The following ZNF222 variants were observed in gnomAD, a reference collection of about 807,000 sequenced individuals.
The protein encoded by ZNF222 is zinc finger protein 222.
In ZNF222, 8 loss-of-function variants were observed where a neutral mutation model predicts 11.6. The ratio of observed to expected loss-of-function variants is 0.69; its 90% CI spans 0.41 to 1.25. The LOEUF is 1.25. Ranked by LOEUF, ZNF222 falls within the 50% of genes most tolerant of loss-of-function variation. The pLI is 0.01. For synonymous variants in ZNF222, 171 were observed against 195.6 expected (o/e 0.87, Z 1.05); for missense variants, 483 against 576.1 (o/e 0.84, Z 1.65).
At position 44,032,991 on chromosome 19, in the gene ZNF222, T is replaced by A; in HGVS notation, c.1437T>A (p.Asn479Lys). Residue 479 changes from asparagine (N) to lysine (K), a missense_variant, in exon 4 of 4, where the codon AAT becomes AAA. By Grantham distance (94) the Asn-to-Lys change is moderately conservative. Coordinates refer to ENST00000391960, the MANE Select transcript of ZNF222 (RefSeq NM_001129996.2). ...DCGKRYKRRL[N>K]LDIILSLFLN... ...GGAAGCGCTACAAGAGGCGCTTGAA[T>A]CTGGATATAATTTTATCATTATTTT... The A allele has an allele frequency of 6.4e-7, 1 of 1,566,100 alleles. No homozygotes were observed. The highest frequency in any genetic ancestry group is 8.6e-7 in the Non-Finnish European group (1 of 1,164,340).
chr19:44,029,427 G>A (rs939412107), intron 3 of ZNF222, among the ~76,000 whole-genome samples: 1 of 151,960 alleles, frequency 6.6e-6, no homozygotes, highest in Admixed American at 6.6e-5. Flanking sequence ...TCTATGAGCT[G>A]AATGTTGCTT....
At chr19:44,026,122 T>C (rs1319368053) in intron 1 of ZNF222, 2 of 1,604,658 alleles carry the variant, frequency 1.2e-6, no homozygotes, top group African/African-American at 2.7e-5. Context: ...TTGACAGAGA[T>C]GCTTACCTCA....
chr19:44,031,673 G>T (rs1022783029), intron 3 of ZNF222, 144 bp from the exon 4 acceptor site: 36 of 835,212 alleles, frequency 4.3e-5, no homozygotes, highest in Non-Finnish European at 6.4e-5. Context: ...AGTAGAGACA[G>T]GGCATCACCA....
Position 44,025,826 on chromosome 19 carries a change from T to G in ZNF222, c.42+348T>G, listed in dbSNP as rs541529420. On this transcript the variant is annotated intron_variant, in intron 1 of 3. Transcript: ENST00000391960. The surrounding 1 kb of genome is among the most constrained non-coding windows in gnomAD (Gnocchi z 4.6). ...TCGGTGTCTGGTGGTCTCTTGTTAA[T>G]TTCCCACGAAGCCTGTCAGGTCCTC... 6.6e-6 allele frequency among the ~76,000 whole-genome samples: 1 copy of G among 152,326 alleles called. No individual in the cohort carries two copies. Among genetic ancestry groups the G allele is most frequent in the African/African-American group, 2.4e-5 (1 of 41,582 alleles).
chr19:44,030,652 A>G (rs1004714032), intron 3 of ZNF222, among the ~76,000 whole-genome samples: 1 of 152,194 alleles, frequency 6.6e-6, no homozygotes, highest in African/African-American at 2.4e-5. Context: ...GGAGTGGGGT[A>G]TGTTACATTG....
At chr19:44,029,463 A>G (rs1427581333) in intron 3 of ZNF222, among the ~76,000 whole-genome samples, 19 of 152,094 alleles carry the variant, frequency 1.2e-4, no homozygotes, top group Non-Finnish European at 1.5e-5. Context: ...TTTCTTCAAA[A>G]AATGTGTCTA....
intron 1 of ZNF222, among the ~76,000 whole-genome samples, chr19:44,026,408 G>A (rs955963996): frequency 6.6e-6 from 1 of 152,106 alleles, no homozygotes; most frequent in Non-Finnish European, 1.5e-5. Context: ...GGTGGAGAAC[G>A]TAAGTTAGGA....
In ZNF222 at chr19:44,031,932, C is replaced by G. The variant is rs760500625; in HGVS notation, c.378C>G (p.Thr126=). 6.2e-7 allele frequency: 1 copy of G among 1,614,172 alleles called. No individual in the cohort carries two copies. The highest frequency in any genetic ancestry group is 1.7e-5 in the Admixed American group (1 of 60,022). Residue 126 remains threonine, a synonymous_variant, in exon 4 of 4, where the codon ACC becomes ACG. Coordinates refer to ENST00000391960, the MANE Select transcript of ZNF222 (RefSeq NM_001129996.2). ...GTGACTTAACCAGGTCTCAAGATAC[C>G]ACCATAAGTAACTCTCAGTTATTTG... ...IASDLTRSQD[T]TISNSQLFEQ...
Position 44,025,555 on chromosome 19 carries a change from C to G in ZNF222, c.42+77C>G. On this transcript the variant is annotated intron_variant, in intron 1 of 3. Transcript: ENST00000391960. The surrounding 1 kb of genome is among the most constrained non-coding windows in gnomAD (Gnocchi z 4.6). ...GCGTCGGGGGGCTCTGCTAGGGTCT[C>G]AGGGAGTGGGATTGGCGCGGCCCGG... 2 of 1,453,204 alleles carry G rather than the reference C, an allele frequency of 1.4e-6. No individual in the cohort carries two copies. The highest frequency in any genetic ancestry group is 9.1e-7 in the Non-Finnish European group (1 of 1,093,880). 90.0% of individuals were successfully genotyped at this position (1,453,204 alleles called of 1,614,324 possible).
intron 2 of ZNF222, 48 bp downstream of exon 2, chr19:44,027,197 T>A: frequency 6.2e-7 from 1 of 1,605,692 alleles, no homozygotes; most frequent in Non-Finnish European, 8.5e-7. Flanking sequence ...CCAGGAGTGG[T>A]TTTTTAATCC....
At chr19:44,027,343 C>T (rs1976399495) in intron 2 of ZNF222, 55 bp from the exon 3 acceptor site, 1 of 1,576,138 alleles carries the variant, frequency 6.3e-7, no homozygotes. Flanking sequence ...TTTGCACCAA[C>T]ATGATATTAC....
Position 44,027,167 on chromosome 19 carries a change from CT to C in ZNF222, c.169+19del. 6.2e-7 allele frequency: 1 copy of C among 1,613,384 alleles called. No individual in the cohort carries two copies. The highest frequency in any genetic ancestry group is 8.5e-7 in the Non-Finnish European group (1 of 1,179,664). ...CTCAGTGGGTGAGGACGGGCACCCC[CT>C]GTAATGGAATGTCAGGCCCCAGGAG... On this transcript the variant is annotated intron_variant, in intron 2 of 3. Coordinates refer to ENST00000391960, the MANE Select transcript of ZNF222 (RefSeq NM_001129996.2).
rs748014415 is a variant in ZNF222 at position 44,032,169 on chromosome 19, G to A, written c.615G>A (p.Arg205=). 1 of 1,614,162 alleles carries A rather than the reference G, an allele frequency of 6.2e-7. No individual in the cohort carries two copies. The change falls in exon 4 of 4, where the codon AGG becomes AGA. Residue 205 remains arginine, a synonymous_variant. Coordinates refer to ENST00000391960, the MANE Select transcript of ZNF222 (RefSeq NM_001129996.2). The stretch of plus-strand genomic sequence containing the variant: ...TCTCAGCCCTTCATATTCATCAGAG[G>A]GTCCACATGGGAGTGAAATGCTATA... ...CYISALHIHQ[R]VHMGVKCYKC...
At chr19:44,027,307 G>A (rs778856869) in intron 2 of ZNF222, 91 bp from the exon 3 acceptor site, 109 of 1,555,662 alleles carry the variant, frequency 7.0e-5, no homozygotes, top group Non-Finnish European at 8.9e-5. Flanking sequence ...TTTTGTCATT[G>A]GAAGTAATGG....
At chr19:44,027,572 T>C (rs1278296304) in intron 3 of ZNF222, 82 bp downstream of exon 3, 2 of 1,304,816 alleles carry the variant, frequency 1.5e-6, no homozygotes, top group African/African-American at 2.9e-5. Context: ...TTGGGGTAAA[T>C]GGCCAAACCT....
chr19:44,027,954 C>T (rs2147443894), intron 3 of ZNF222, among the ~76,000 whole-genome samples: 1 of 152,296 alleles, frequency 6.6e-6, no homozygotes, highest in East Asian at 1.9e-4. Context: ...ACTTATCTTT[C>T]TCTTCTGTAG....
chr19:44,025,906 C>A lies in ZNF222; in HGVS notation c.42+428C>A. The A allele has an allele frequency of 9.8e-7, 1 of 1,024,910 alleles. No homozygotes were observed. The highest frequency in any genetic ancestry group is 1.4e-6 in the Non-Finnish European group (1 of 695,300). The allele number at this position is 1,024,910 out of a possible 1,614,324, so 63.5% of individuals were successfully genotyped here. On this transcript the variant is annotated intron_variant, in intron 1 of 3. Transcript: ENST00000391960. The surrounding 1 kb of genome is among the most constrained non-coding windows in gnomAD (Gnocchi z 4.6). ...CGCCGGCCCTTCTGCCTGATCCCTG[C>A]AGGACGCTGGATGATCCCTGACGCC...
At position 44,025,563 on chromosome 19, in the gene ZNF222, G is replaced by T. The variant is rs931644588; in HGVS notation, c.42+85G>T. The T allele has an allele frequency of 5.6e-6, 8 of 1,422,394 alleles. No individual in the cohort carries two copies. Among genetic ancestry groups the T allele is most frequent in the Non-Finnish European group, 7.5e-6 (8 of 1,071,028 alleles). The allele number at this position is 1,422,394 out of a possible 1,614,324, so 88.1% of individuals were successfully genotyped here. A position where few individuals can be genotyped will look rare whatever the true frequency, so the allele number is the denominator to read the frequency against. Reference sequence around the variant, plus strand: ...GGGCTCTGCTAGGGTCTCAGGGAGTGGGATTGGCGCGGCCCGGTGTGCCCT... The same window carrying T: ...GGGCTCTGCTAGGGTCTCAGGGAGTTGGATTGGCGCGGCCCGGTGTGCCCT... On this transcript the variant is annotated intron_variant, in intron 1 of 3. Transcript: ENST00000391960. This position sits in a 1 kb window ranked among gnomAD's most constrained non-coding sequence, Gnocchi z 4.6.
chr19:44,025,444 A>G lies in ZNF222; in HGVS notation c.8A>G (p.Asp3Gly). The change falls in exon 1 of 4, where the codon GAT becomes GGT. Residue 3 changes from aspartate to glycine, a missense_variant. Transcript: ENST00000391960. This position sits in a 1 kb window ranked among gnomAD's most constrained non-coding sequence, Gnocchi z 4.6. The part of the protein sequence containing the change: MI[D>G]SGEKKPGRRA... ...GGGGCTCGCAACCACCCAATGATCGATTCAGGAGAAAAGAAGCCTGGGCGG... is the reference window on the plus strand; with the variant it reads ...GGGGCTCGCAACCACCCAATGATCGGTTCAGGAGAAAAGAAGCCTGGGCGG... 1 of 1,551,448 alleles carries G rather than the reference A, an allele frequency of 6.4e-7. No individual in the cohort carries two copies.
Sources: gnomAD v4.1 joint callset for allele counts (sites outside exome capture counted in the v4.1 genomes callset) on GRCh38, gnomAD v4.1.1 for gene constraint, Gnocchi (gnomAD v3.1) non-coding constraint, MANE v1.5 for transcripts, NCBI Gene and HGNC (gene_info 2026-07-23, HGNC 2026-07-21) for gene names.